Variants in RALYL observed in about 807,000 individuals in gnomAD.
RALYL encodes the protein RALY RNA binding protein like, also known as RNA-binding Raly-like protein.
In RALYL, 29 loss-of-function variants were observed where a neutral mutation model predicts 35.1. That is an observed-to-expected ratio of 0.83 (90% confidence interval 0.61 to 1.13). The LOEUF is 1.13. RALYL is among the 50% of genes most tolerant of loss of function. The pLI is 0.00. For synonymous variants in RALYL, 120 were observed against 127.6 expected (o/e 0.94, Z 0.40); for missense variants, 359 against 360.4 (o/e 1.00, Z 0.03).
intron 8 of RALYL, among the ~76,000 whole-genome samples, chr8:84,900,291 G>A (rs369246101): frequency 1.3e-5 from 2 of 152,260 alleles, no homozygotes; most frequent in East Asian, 3.9e-4. Flanking sequence ...TGTGTTAGAG[G>A]AAAATGGAGA....
At chr8:84,365,037 C>T (rs569315139) in intron 1 of RALYL, among the ~76,000 whole-genome samples, 1 of 151,970 alleles carries the variant, frequency 6.6e-6, no homozygotes, top group East Asian at 1.9e-4. Context: ...AAATAGTCAA[C>T]AAAGCAAGAA....
At chr8:84,332,312 A>C (rs768378573) in intron 1 of RALYL, among the ~76,000 whole-genome samples, 4 of 152,232 alleles carry the variant, frequency 2.6e-5, no homozygotes, top group Admixed American at 6.5e-5. Context: ...GTTCTTAAGA[A>C]TCAGCAGAAA....
intron 2 of RALYL, among the ~76,000 whole-genome samples, chr8:84,599,155 C>A (rs1815305403): frequency 6.6e-6 from 1 of 151,926 alleles, no homozygotes; most frequent in South Asian, 2.1e-4. Context: ...CTGAATAACA[C>A]ATTTCATAAA....
chr8:84,526,023 C>G (rs1405466742), intron 1 of RALYL, among the ~76,000 whole-genome samples: 1 of 141,078 alleles, frequency 7.1e-6, no homozygotes, highest in African/African-American at 2.7e-5. Context: ...GCACTTTCTG[C>G]TCACTGCAAC....
intron 2 of RALYL, among the ~76,000 whole-genome samples, chr8:84,532,065 T>G (rs2059312281): frequency 6.6e-6 from 1 of 152,084 alleles, no homozygotes; most frequent in African/African-American, 2.4e-5. Context: ...AATCACACTT[T>G]GTGCCTGAAA....
chr8:84,590,501 T>A (rs1198600988), intron 2 of RALYL, among the ~76,000 whole-genome samples: 2 of 152,134 alleles, frequency 1.3e-5, no homozygotes, highest in African/African-American at 4.8e-5. Context: ...TAAGGAGATA[T>A]AAGGTGTGAA....
At chr8:84,676,292 G>T (rs1052076531) in intron 2 of RALYL, among the ~76,000 whole-genome samples, 1 of 152,170 alleles carries the variant, frequency 6.6e-6, no homozygotes, top group Non-Finnish European at 1.5e-5. Flanking sequence ...CAGAAATGCA[G>T]CTTATTCCTT....
intron 5 of RALYL, among the ~76,000 whole-genome samples, chr8:84,855,641 C>T (rs1000429867): frequency 2.2e-4 from 34 of 152,110 alleles, no homozygotes; most frequent in African/African-American, 8.0e-4. Context: ...ATACATTAAA[C>T]GTAAGTATTT....
intron 2 of RALYL, among the ~76,000 whole-genome samples, chr8:84,748,645 TA>T (rs1809223088): frequency 6.6e-6 from 1 of 152,114 alleles, no homozygotes; most frequent in Admixed American, 6.6e-5. Context: ...TGATTCACTT[TA>T]AATAGATTTA....
intron 6 of RALYL, chr8:84,872,442 G>T (rs1257218105): frequency 6.6e-6 from 1 of 152,120 alleles, no homozygotes; most frequent in Non-Finnish European, 1.5e-5. Context: ...TTCATTTAAA[G>T]AATTGTCTTC....
At chr8:84,666,645 C>A (rs1188019526) in intron 2 of RALYL, among the ~76,000 whole-genome samples, 4 of 152,030 alleles carry the variant, frequency 2.6e-5, no homozygotes, top group Non-Finnish European at 5.9e-5. Flanking sequence ...AAAATTTTCC[C>A]AGGAGGCACT....
intron 1 of RALYL, among the ~76,000 whole-genome samples, chr8:84,291,108 T>G (rs987997973): frequency 3.3e-5 from 5 of 152,126 alleles, no homozygotes; most frequent in Non-Finnish European, 7.4e-5. Context: ...AGCTTAAAAG[T>G]ATGTAATTTC....
intron 4 of RALYL, among the ~76,000 whole-genome samples, chr8:84,825,435 C>A (rs182702769): frequency 6.6e-6 from 1 of 152,038 alleles, no homozygotes; most frequent in Admixed American, 6.5e-5. Context: ...GAAAGCAGTC[C>A]GGAGATTTTT....
chr8:84,844,830 A>C (rs999754292), intron 4 of RALYL, among the ~76,000 whole-genome samples: 1 of 152,222 alleles, frequency 6.6e-6, no homozygotes, highest in African/African-American at 2.4e-5. Context: ...GACATGGATG[A>C]AGCTGGAAAC....
chr8:84,835,683 C>CAA (rs5892932), intron 4 of RALYL, among the ~76,000 whole-genome samples: 1,110 of 72,122 alleles, frequency 0.015, 27 homozygotes, highest in African/African-American at 0.055. Context: ...AACTCCGTCT[C>CAA]AAAAAAAAAA....
chr8:84,765,027 C>T (rs2634055), intron 2 of RALYL, among the ~76,000 whole-genome samples: 34,849 of 152,022 alleles, frequency 0.23, 4,235 homozygotes, highest in Non-Finnish European at 0.25. Flanking sequence ...TGTTTTGTTT[C>T]CTCAGAGTAA....
chr8:84,384,595 A>T (rs1428586061), intron 1 of RALYL, among the ~76,000 whole-genome samples: 1 of 151,676 alleles, frequency 6.6e-6, no homozygotes, highest in East Asian at 1.9e-4. Flanking sequence ...TTTCTCCCAT[A>T]TTACATGGGT....
At chr8:84,612,383 G>A (rs2130895650) in intron 2 of RALYL, among the ~76,000 whole-genome samples, 1 of 152,074 alleles carries the variant, frequency 6.6e-6, no homozygotes, top group South Asian at 2.1e-4. Flanking sequence ...AGGCAGGAGA[G>A]CATACTTAAG....
intron 1 of RALYL, among the ~76,000 whole-genome samples, chr8:84,455,645 TAA>T (rs2050050641): frequency 6.6e-6 from 1 of 152,032 alleles, no homozygotes; most frequent in Non-Finnish European, 1.5e-5. Flanking sequence ...CAAACATCCA[TAA>T]TAATCAAATG....
Sources: gnomAD v4.1 joint callset for allele counts (sites outside exome capture counted in the v4.1 genomes callset) on GRCh38, gnomAD v4.1.1 for gene constraint, MANE v1.5 for transcripts, NCBI Gene and HGNC (gene_info 2026-07-23, HGNC 2026-07-21) for gene names.